Variants in HK1 observed in about 807,000 individuals in gnomAD.
HK1 encodes hexokinase-1.
Under a neutral mutation model 91.6 loss-of-function variants are expected in HK1, and 28 were observed. That is an observed-to-expected ratio of 0.31 (90% CI 0.23 to 0.42). The LOEUF (loss-of-function observed/expected upper bound fraction) is 0.42. HK1 is among the 10% of genes least tolerant of loss of function. The pLI, the probability that HK1 is intolerant of heterozygous loss-of-function variation, is 1.00. For missense variants in HK1, 770 were observed against 1,219.8 expected (o/e 0.63, Z 5.49); for synonymous variants, 430 against 468.1 (o/e 0.92, Z 1.05).
intron 1 of HK1, among the ~76,000 whole-genome samples, chr10:69,343,171 G>A (rs1051185591): frequency 5.9e-5 from 9 of 152,160 alleles, no homozygotes; most frequent in African/African-American, 1.9e-4. Context: ...TTCTCAGAAG[G>A]GTCCTAGCCC....
chr10:69,292,984 T>A (rs1292537098), intron 3 of HK1, among the ~76,000 whole-genome samples: 1 of 152,154 alleles, frequency 6.6e-6, no homozygotes, highest in Non-Finnish European at 1.5e-5. Flanking sequence ...AAAGGTGGGG[T>A]GAGGCTCTAA....
At chr10:69,382,433 C>G in intron 9 of HK1, 54 bp from the exon 10 acceptor site, 3 of 1,566,680 alleles carry the variant, frequency 1.9e-6, no homozygotes, top group Non-Finnish European at 2.6e-6. Context: ...GGCCGGAGGT[C>G]CCCAATAAAT....
chr10:69,338,978 C>T (rs868393116), intron 1 of HK1, among the ~76,000 whole-genome samples: 6 of 152,154 alleles, frequency 3.9e-5, no homozygotes, highest in Middle Eastern at 3.2e-3. Flanking sequence ...TTCTCCAATG[C>T]CCTTTCTTCC....
At chr10:69,313,246 G>A (rs974306913), upstream of HK1, among the ~76,000 whole-genome samples, 1 of 152,188 alleles carries the variant, frequency 6.6e-6, no homozygotes, top group Admixed American at 6.5e-5. Flanking sequence ...CCAGTCAGCA[G>A]TGTCAAGCAG....
At chr10:69,329,148 A>T (rs889364884) in intron 1 of HK1, among the ~76,000 whole-genome samples, 1 of 147,152 alleles carries the variant, frequency 6.8e-6, no homozygotes, top group African/African-American at 2.6e-5. Flanking sequence ...TTGTATAGAC[A>T]TGCTTTCTTT....
intron 5 of HK1, among the ~76,000 whole-genome samples, chr10:69,309,506 A>AG (rs1279563342): frequency 7.0e-6 from 1 of 142,700 alleles, no homozygotes; most frequent in East Asian, 2.0e-4. Context: ...AAAAAAAAAA[A>AG]AAAAAAAAAA....
At chr10:69,300,725 T>G in intron 4 of HK1, 1 of 1,121,240 alleles carries the variant, frequency 8.9e-7, no homozygotes, top group Non-Finnish European at 1.4e-6. Flanking sequence ...AGACGATGAC[T>G]TTGGAGCATG....
At chr10:69,309,495 TAA>T (rs1177161842) in intron 5 of HK1, among the ~76,000 whole-genome samples, 24 of 46,972 alleles carry the variant, frequency 5.1e-4, no homozygotes, top group African/African-American at 2.5e-3. Context: ...TTTGTCTCAT[TAA>T]AAAAAAAAAA....
chr10:69,387,930 AAAAAC>A (rs1029811738), intron 13 of HK1, among the ~76,000 whole-genome samples: 15 of 152,184 alleles, frequency 9.9e-5, no homozygotes, highest in African/African-American at 2.4e-4. Context: ...AAGAACTTTA[AAAAAC>A]AAAACAAAAC....
At chr10:69,319,056 G>A in intron 1 of HK1, 46 bp downstream of exon 1, 2 of 1,565,464 alleles carry the variant, frequency 1.3e-6, no homozygotes, top group Non-Finnish European at 1.7e-6. Flanking sequence ...GCAGCCTTGC[G>A]TTCCGGCATC....
chr10:69,303,251 C>A (rs916692294), intron 5 of HK1, among the ~76,000 whole-genome samples: 1 of 151,946 alleles, frequency 6.6e-6, no homozygotes, highest in Non-Finnish European at 1.5e-5. Context: ...AGGTTCTATT[C>A]TATTTTGTTG....
chr10:69,307,754 C>T (rs1446144826), intron 5 of HK1, among the ~76,000 whole-genome samples: 2 of 152,180 alleles, frequency 1.3e-5, no homozygotes, highest in Non-Finnish European at 2.9e-5. Context: ...GTAAGTTCTA[C>T]CTAAGTGCTA....
rs1435466049 is a variant in HK1 at position 69,384,324 on chromosome 10, C to T, written c.1571-9C>T. 1 of 1,614,264 alleles carries T rather than the reference C, an allele frequency of 6.2e-7. No homozygotes were observed. The highest frequency in any genetic ancestry group is 1.3e-5 in the African/African-American group (1 of 75,070). ...TTTTTGACATTCTTTACGCTTTTGA[C>T]TGCAACAGAGAATGGTGACTTCTTG... On this transcript the variant is annotated splice_polypyrimidine_tract_variant and intron_variant, in intron 10 of 17. Coordinates refer to ENST00000359426, the MANE Select transcript of HK1 (RefSeq NM_000188.3).
chr10:69,281,883 C>T (rs1383083111), intron 1 of HK1, among the ~76,000 whole-genome samples: 1 of 152,192 alleles, frequency 6.6e-6, no homozygotes, highest in Non-Finnish European at 1.5e-5. Flanking sequence ...TAGCCCAGCT[C>T]TCTCTGGTGC....
chr10:69,300,532 C>A, intron 4 of HK1: 2 of 715,396 alleles, frequency 2.8e-6, no homozygotes, highest in Admixed American at 2.1e-5. Context: ...ATCAAACTGG[C>A]CAGATGGAAG....
chr10:69,309,712 A>T lies in HK1; in HGVS notation c.27+8851A>T, dbSNP rs190370908. ...GCTCCTCGGGAGGCTGAGGCAGGAG[A>T]ATCACCTGAACCCGGGAGGCGGAAG... On this transcript the variant is annotated intron_variant, in intron 5 of 21. Coordinates refer to the HK1 transcript ENST00000360289. Among the ~76,000 whole-genome samples, 5 of 151,018 alleles carry T rather than the reference A, an allele frequency of 3.3e-5. No homozygotes were observed. The East Asian group carries it at 1.0e-3, about 31-fold the overall frequency.
chr10:69,359,062 A>G (rs1046945933), intron 2 of HK1, among the ~76,000 whole-genome samples: 5 of 151,780 alleles, frequency 3.3e-5, no homozygotes. Flanking sequence ...AATTAAAAAA[A>G]AAAAGAGTAA....
chr10:69,273,392 A>G (rs1844277424), intron 1 of HK1, among the ~76,000 whole-genome samples: 1 of 151,908 alleles, frequency 6.6e-6, no homozygotes, highest in African/African-American at 2.4e-5. Context: ...ATTTTTTTGT[A>G]TTTTTAGTAG....
rs67564699 is a variant in HK1 at position 69,289,461 on chromosome 10, ATTTTTTTTTTTT to A, written c.-115+708_-115+719del. ...GGGCTTCTGCCCATTAAAAAAAAAA[ATTTTTTTTTTTT>A]TTTTTTTTTTTTTTTTGAGATAGAG... On this transcript the variant is annotated intron_variant, in intron 3 of 21. Transcript: ENST00000360289. Among the ~76,000 whole-genome samples the A allele has an allele frequency of 2.9e-3, 322 of 112,802 alleles. 3 individuals are homozygous for A. The South Asian group carries it at 0.031, about 11-fold the overall frequency. The allele number at this position is 112,802 out of a possible 152,430, so 74.0% of individuals were successfully genotyped here.
Sources: allele counts gnomAD v4.1 joint callset (sites outside exome capture counted in the v4.1 genomes callset), GRCh38; gene constraint gnomAD v4.1.1; transcripts MANE v1.5; gene names NCBI Gene and HGNC (gene_info 2026-07-23, HGNC 2026-07-21).